Variants in C1QTNF3 observed in about 807,000 individuals in gnomAD.
C1QTNF3 encodes the protein C1q and TNF related 3.
Under a neutral mutation model 32.6 loss-of-function variants are expected in C1QTNF3, and 26 were observed. The ratio of observed to expected loss-of-function variants is 0.80; its 90% CI spans 0.58 to 1.11. The LOEUF (loss-of-function observed/expected upper bound fraction) is 1.11, where lower values mean the gene tolerates loss of function less well. C1QTNF3 is among the 50% of genes least tolerant of loss of function. The pLI is 0.00. For synonymous variants in C1QTNF3, 155 were observed against 146.0 expected, an observed-to-expected ratio of 1.06 and a Z score of -0.44; for missense variants, 362 against 398.2, an observed-to-expected ratio of 0.91 and a Z score of 0.77.
chr5:34,144,236 T>C, the C1QTNF3 span, among the ~76,000 whole-genome samples: 1 of 152,230 alleles, frequency 6.6e-6, no homozygotes, highest in Admixed American at 6.5e-5. Flanking sequence ...TAAATATATA[T>C]GCACCCAACA....
At chr5:34,120,610 G>A in the C1QTNF3 span, among the ~76,000 whole-genome samples, 64 of 152,258 alleles carry the variant, frequency 4.2e-4, 1 homozygote, top group South Asian at 0.012. Flanking sequence ...ATAGGGGTGG[G>A]TCTTTCCCAT....
At chr5:34,091,134 C>T in the C1QTNF3 span, among the ~76,000 whole-genome samples, 3 of 152,098 alleles carry the variant, frequency 2.0e-5, no homozygotes, top group South Asian at 4.2e-4. Flanking sequence ...TGCACCACTG[C>T]GCAGCCTGGA....
At chr5:34,207,935 C>A in the C1QTNF3 span, among the ~76,000 whole-genome samples, 22 of 152,174 alleles carry the variant, frequency 1.4e-4, no homozygotes, top group African/African-American at 5.1e-4. Flanking sequence ...CTACAGGCGC[C>A]CGCCACCGTG....
At chr5:34,143,982 G>A in the C1QTNF3 span, among the ~76,000 whole-genome samples, 70 of 152,236 alleles carry the variant, frequency 4.6e-4, 1 homozygote, top group African/African-American at 1.6e-3. Flanking sequence ...AAGACACAGA[G>A]TGGCAGGCGG....
At chr5:34,129,446 T>C in the C1QTNF3 span, among the ~76,000 whole-genome samples, 4 of 152,170 alleles carry the variant, frequency 2.6e-5, no homozygotes, top group Admixed American at 2.6e-4. Flanking sequence ...AATGAAGAGA[T>C]ATTGTTGAAA....
chr5:34,033,106 C>G (rs1007775087), intron 3 of C1QTNF3, 198 bp downstream of exon 3: 9 of 541,664 alleles, frequency 1.7e-5, no homozygotes, highest in Non-Finnish European at 2.5e-5. Context: ...TCTCTCCTCC[C>G]TAAGAATAGT....
chr5:34,021,345 C>T (rs1754323414), intron 5 of C1QTNF3, among the ~76,000 whole-genome samples: 1 of 152,150 alleles, frequency 6.6e-6, no homozygotes, highest in Non-Finnish European at 1.5e-5. Context: ...AGATCTAATG[C>T]CTGTAGGGTA....
At chr5:34,102,485 TTAAG>T in the C1QTNF3 span, among the ~76,000 whole-genome samples, 1 of 152,152 alleles carries the variant, frequency 6.6e-6, no homozygotes, top group Admixed American at 6.5e-5. Flanking sequence ...ATGATCCCTA[TTAAG>T]GATTTAAGGT....
chr5:34,051,963 G>A, the C1QTNF3 span, among the ~76,000 whole-genome samples: 2 of 152,198 alleles, frequency 1.3e-5, no homozygotes, highest in Non-Finnish European at 2.9e-5. Context: ...CTGGGTGGAG[G>A]AGAACTCTCT....
the C1QTNF3 span, among the ~76,000 whole-genome samples, chr5:34,154,395 C>A: frequency 1.3e-5 from 2 of 151,884 alleles, no homozygotes; most frequent in African/African-American, 4.8e-5. Context: ...TGGGTAATAC[C>A]CATTTATTTC....
chr5:34,215,032 A>G, the C1QTNF3 span, among the ~76,000 whole-genome samples: 1 of 152,186 alleles, frequency 6.6e-6, no homozygotes, highest in African/African-American at 2.4e-5. Flanking sequence ...TTATCTCTGA[A>G]GAGACATCTT....
In C1QTNF3 at chr5:34,020,544, A is replaced by C; in HGVS notation, c.*39T>G. 6.3e-7 allele frequency: 1 copy of C among 1,598,970 alleles called. No homozygotes were observed. Among genetic ancestry groups the C allele is most frequent in the East Asian group, 2.2e-5 (1 of 44,598 alleles). On this transcript the variant is annotated 3_prime_UTR_variant, in exon 6 of 6. Transcript: ENST00000382065. ...CAGATCGTAACAAATCAGCTCAGCTACAAGTCTTCCCCAAAGTGGAGCTAT... is the reference window on the plus strand; with the variant it reads ...CAGATCGTAACAAATCAGCTCAGCTCCAAGTCTTCCCCAAAGTGGAGCTAT...
the C1QTNF3 span, among the ~76,000 whole-genome samples, chr5:34,232,663 C>A: frequency 5.3e-5 from 8 of 151,180 alleles, no homozygotes; most frequent in Middle Eastern, 3.4e-3. Flanking sequence ...TTGCCTTCCA[C>A]CATGATTTTC....
At chr5:34,241,044 G>A in the C1QTNF3 span, among the ~76,000 whole-genome samples, 7 of 151,702 alleles carry the variant, frequency 4.6e-5, no homozygotes, top group Admixed American at 1.3e-4. Flanking sequence ...AATGGATGCC[G>A]GAAAAGCTTT....
the C1QTNF3 span, among the ~76,000 whole-genome samples, chr5:34,083,382 G>C: frequency 1.3e-5 from 2 of 151,548 alleles, no homozygotes; most frequent in East Asian, 3.9e-4. Flanking sequence ...TTCAAGTACA[G>C]TAAGACAGGA....
the C1QTNF3 span, chr5:34,166,843 T>C: frequency 6.6e-6 from 1 of 152,196 alleles, no homozygotes; most frequent in Non-Finnish European, 1.5e-5. Flanking sequence ...TTGTAAGGAT[T>C]GAAAACATAC....
chr5:34,128,008 C>G, the C1QTNF3 span, among the ~76,000 whole-genome samples: 1 of 152,178 alleles, frequency 6.6e-6, no homozygotes, highest in African/African-American at 2.4e-5. Context: ...GAGATCTTCA[C>G]GGCTGCAACT....
the C1QTNF3 span, chr5:34,175,636 G>A: frequency 1.9e-6 from 1 of 522,040 alleles, no homozygotes; most frequent in Non-Finnish European, 3.5e-6. Flanking sequence ...GCGGGGACCT[G>A]ACTCCTTTCC....
the C1QTNF3 span, among the ~76,000 whole-genome samples, chr5:34,244,195 A>G: frequency 2.0e-5 from 3 of 152,142 alleles, no homozygotes; most frequent in Non-Finnish European, 2.9e-5. Context: ...TAAAAAACCC[A>G]TATTATCGAT....
Sources: allele counts gnomAD v4.1 joint callset (sites outside exome capture counted in the v4.1 genomes callset), GRCh38; gene constraint gnomAD v4.1.1; transcripts MANE v1.5; gene names NCBI Gene and HGNC (gene_info 2026-07-23, HGNC 2026-07-21).